ZNF532: variants seen among roughly 807,000 people sequenced by gnomAD.
The protein encoded by ZNF532 is zinc finger protein 532.
In ZNF532, 22 loss-of-function variants were observed where a neutral mutation model predicts 89.3. That is an observed-to-expected ratio of 0.25 (90% CI 0.18 to 0.35). The LOEUF (loss-of-function observed/expected upper bound fraction) is 0.35. Among genes scored for constraint, ZNF532 ranks in the 10% least tolerant of loss-of-function variants. The pLI is 1.00. For synonymous variants in ZNF532, 606 were observed against 649.6 expected (o/e 0.93, Z 1.02); for missense variants, 1,132 against 1,643.4 (o/e 0.69, Z 5.38).
chr18:58,877,270 C>G (rs2057507736), intron 2 of ZNF532, among the ~76,000 whole-genome samples: 1 of 152,168 alleles, frequency 6.6e-6, no homozygotes, highest in Non-Finnish European at 1.5e-5. Flanking sequence ...GTCACATCAC[C>G]TCTCCAGCAC....
chr18:58,968,744 A>C (rs2066174534), intron 7 of ZNF532, among the ~76,000 whole-genome samples: 1 of 152,162 alleles, frequency 6.6e-6, no homozygotes, highest in African/African-American at 2.4e-5. Flanking sequence ...CAGTGCTGAA[A>C]AGGGTGATTT....
At chr18:58,942,309 A>T in intron 5 of ZNF532, among the ~76,000 whole-genome samples, 1 of 107,474 alleles carries the variant, frequency 9.3e-6, no homozygotes, top group Non-Finnish European at 1.8e-5. Flanking sequence ...GGCGTGAGCC[A>T]CCGCGCCTGG....
intron 3 of ZNF532, among the ~76,000 whole-genome samples, chr18:58,927,074 T>G (rs561709346): frequency 6.6e-6 from 1 of 152,298 alleles, no homozygotes; most frequent in Admixed American, 6.5e-5. Flanking sequence ...GAAGAGAGTG[T>G]GTATAATTGG....
intron 7 of ZNF532, among the ~76,000 whole-genome samples, chr18:58,959,358 C>T (rs758910730): frequency 1.5e-4 from 22 of 150,392 alleles, no homozygotes; most frequent in Admixed American, 7.3e-4. Context: ...CTGCAACCTC[C>T]GCCTCCCAGG....
At chr18:58,963,770 C>T (rs187571545) in intron 7 of ZNF532, among the ~76,000 whole-genome samples, 40 of 148,048 alleles carry the variant, frequency 2.7e-4, no homozygotes, top group Admixed American at 2.1e-3. Context: ...TGCAGTGAGC[C>T]GCAGTCGTGT....
At chr18:58,869,840 C>T (rs918703589) in intron 2 of ZNF532, among the ~76,000 whole-genome samples, 29 of 145,608 alleles carry the variant, frequency 2.0e-4, no homozygotes, top group African/African-American at 7.2e-4. Context: ...GATCTCGGCT[C>T]ACTGCAACCT....
chr18:58,865,228 A>C lies in ZNF532; in HGVS notation c.-285A>C, dbSNP rs1308608680. Reference sequence around the variant, plus strand: ...GTGTTTATAACAAAACAAAACCAAAATGAACTGAGGGGTTTGTAATGGTAG... The same window carrying C: ...GTGTTTATAACAAAACAAAACCAAACTGAACTGAGGGGTTTGTAATGGTAG... On this transcript the variant is annotated 5_prime_UTR_variant, in exon 1 of 10. An upstream start codon of the reference 5' UTR is lost. Coordinates refer to ENST00000591808, the MANE Select transcript of ZNF532 (RefSeq NM_001375912.1). 6.6e-6 allele frequency: 1 copy of C among 151,822 alleles called. No individual in the cohort carries two copies. Among genetic ancestry groups the C allele is most frequent in the Non-Finnish European group, 1.5e-5 (1 of 67,922 alleles). The allele number at this position is 151,822 out of a possible 1,614,324, so 9.4% of individuals were successfully genotyped here.
At position 58,985,721 on chromosome 18, in the gene ZNF532, C is replaced by G. The variant is rs1305383562; in HGVS notation, c.*1255C>G. 7.3e-6 allele frequency: 1 copy of G among 137,324 alleles called. No individual in the cohort carries two copies. Among genetic ancestry groups the G allele is most frequent in the Admixed American group, 7.3e-5 (1 of 13,764 alleles). The allele number at this position is 137,324 out of a possible 1,614,324, so 8.5% of individuals were successfully genotyped here. On this transcript the variant is annotated 3_prime_UTR_variant, in exon 10 of 10. Coordinates refer to ENST00000591808, the MANE Select transcript of ZNF532 (RefSeq NM_001375912.1). ...ATTTTTTGGTTTTGTTTTGTGTTTT[C>G]TTTTGCATTTTGTATCTTGTATTTA...
chr18:58,964,106 A>T (rs571178818), intron 7 of ZNF532: 1 of 152,284 alleles, frequency 6.6e-6, no homozygotes, highest in Admixed American at 6.5e-5. Flanking sequence ...GTTAGAGTTC[A>T]TCCTGTTGTC....
chr18:58,915,170 T>G (rs572191775), intron 2 of ZNF532, among the ~76,000 whole-genome samples: 1 of 152,186 alleles, frequency 6.6e-6, no homozygotes, highest in Admixed American at 6.5e-5. Flanking sequence ...CCATTAGTTA[T>G]ACAACCCCAG....
chr18:58,887,847 C>A (rs1175112928), intron 2 of ZNF532, among the ~76,000 whole-genome samples: 1 of 152,152 alleles, frequency 6.6e-6, no homozygotes, highest in African/African-American at 2.4e-5. Flanking sequence ...GTGACTGAGG[C>A]AGCCGGGCTT....
At chr18:58,959,407 G>C (rs1405958710) in intron 7 of ZNF532, among the ~76,000 whole-genome samples, 1 of 151,770 alleles carries the variant, frequency 6.6e-6, no homozygotes, top group South Asian at 2.1e-4. Flanking sequence ...CTACAGGTGT[G>C]TACCACCACA....
chr18:58,884,979 G>GTTTTTTTTTTTTTTTTTTTTTTTTTTTT (rs34689408), intron 2 of ZNF532, among the ~76,000 whole-genome samples: 2 of 138,104 alleles, frequency 1.4e-5, no homozygotes, highest in Non-Finnish European at 1.6e-5. Flanking sequence ...CAGTACAAGG[G>GTTTTTTTTTTTTTTTTTTTTTTTTTTTT]TTTTTTTTTT....
chr18:58,923,775 C>T (rs1268488047), intron 3 of ZNF532, among the ~76,000 whole-genome samples: 1 of 152,198 alleles, frequency 6.6e-6, no homozygotes, highest in African/African-American at 2.4e-5. Flanking sequence ...CACATGACTG[C>T]TTACAAATCT....
At chr18:58,963,963 G>A (rs548815008) in intron 7 of ZNF532, 44 of 152,214 alleles carry the variant, frequency 2.9e-4, no homozygotes, top group African/African-American at 9.6e-4. Context: ...GAAATAAAAC[G>A]TTACATCTCC....
At chr18:58,953,018 C>G (rs2064372973) in intron 6 of ZNF532, among the ~76,000 whole-genome samples, 1 of 152,144 alleles carries the variant, frequency 6.6e-6, no homozygotes, top group African/African-American at 2.4e-5. Context: ...ACTAGTATTC[C>G]AAGAATGTGA....
At chr18:58,931,313 A>T (rs933653500) in intron 3 of ZNF532, among the ~76,000 whole-genome samples, 1 of 152,218 alleles carries the variant, frequency 6.6e-6, no homozygotes, top group Non-Finnish European at 1.5e-5. Flanking sequence ...ACTTGATTAA[A>T]AAAAGTAAGG....
chr18:58,888,895 A>ATAT (rs2058680762), intron 2 of ZNF532, among the ~76,000 whole-genome samples: 1 of 64,720 alleles, frequency 1.5e-5, no homozygotes, highest in Non-Finnish European at 2.5e-5. Context: ...TATATTTTAT[A>ATAT]TATATATATA....
intron 5 of ZNF532, among the ~76,000 whole-genome samples, chr18:58,944,140 G>C (rs1293001737): frequency 6.6e-6 from 1 of 152,196 alleles, no homozygotes; most frequent in African/African-American, 2.4e-5. Flanking sequence ...GTATGACGCG[G>C]AGGGTGGTGC....
Sources: gnomAD v4.1 joint callset for allele counts (sites outside exome capture counted in the v4.1 genomes callset) on GRCh38, gnomAD v4.1.1 for gene constraint, MANE v1.5 for transcripts, NCBI Gene and HGNC (gene_info 2026-07-23, HGNC 2026-07-21) for gene names.